MCAM: variants seen among roughly 807,000 people sequenced by gnomAD.
The protein encoded by MCAM is melanoma cell adhesion molecule.
A neutral mutation model predicts 79.1 loss-of-function variants in MCAM; 55 were observed. The observed-to-expected ratio is 0.70, with a 90% CI of 0.56 to 0.87. The LOEUF (loss-of-function observed/expected upper bound fraction) is 0.87. Ranked by LOEUF, MCAM falls within the 40% of genes least tolerant of loss-of-function variation. The pLI is 0.00. For missense variants in MCAM, 745 were observed against 839.8 expected, an observed-to-expected ratio of 0.89 and a Z score of 1.40; for synonymous variants, 330 against 339.8, an observed-to-expected ratio of 0.97 and a Z score of 0.32.
rs1950189602 is a variant in MCAM at position 119,309,199 on chromosome 11, C to G, written c.*687G>C. 2 of 152,484 alleles carry G rather than the reference C, an allele frequency of 1.3e-5. No individual in the cohort carries two copies. The highest frequency in any genetic ancestry group is 4.1e-4 in the South Asian group (2 of 4,842). 9.4% of individuals were successfully genotyped at this position (152,484 alleles called of 1,614,324 possible). On this transcript the variant is annotated 3_prime_UTR_variant, in exon 16 of 16. Coordinates refer to ENST00000264036, the MANE Select transcript of MCAM (RefSeq NM_006500.3). ...CCGTGTTAGCCAGGATGGTCTCGTC[C>G]TGACTTTGTGATCCGCCCGCCTCGG...
rs776490924 is a variant in MCAM at position 119,311,661 on chromosome 11, G to A, written c.1286-10C>T. 6.2e-7 allele frequency: 1 copy of A among 1,613,902 alleles called. No individual in the cohort carries two copies. The highest frequency in any genetic ancestry group is 2.2e-5 in the East Asian group (1 of 44,874). On this transcript the variant is annotated splice_polypyrimidine_tract_variant and intron_variant, in intron 10 of 15. Coordinates refer to ENST00000264036, the MANE Select transcript of MCAM (RefSeq NM_006500.3). This position sits in a 1 kb window ranked among gnomAD's most constrained non-coding sequence, Gnocchi z 4.4. ...GCCATCCAAGGGGGGCCTTGGGGAG[G>A]TAGGGAGAGGTGAGGTGGCAAGCCC...
Position 119,315,283 on chromosome 11 carries a change from C to T in MCAM, c.68-20G>A, listed in dbSNP as rs368799275. ...GCACACCTGGGGGAGGGAGGCGGGG[C>T]CCCCGCAGCTGTGTCAGCTCCGGCT... On this transcript the variant is annotated intron_variant, in intron 1 of 15. Transcript: ENST00000264036. This position sits in a 1 kb window ranked among gnomAD's most constrained non-coding sequence, Gnocchi z 4.4. 5.0e-6 allele frequency: 8 copies of T among 1,600,068 alleles called. No homozygotes were observed. The highest frequency in any genetic ancestry group is 2.2e-5 in the East Asian group (1 of 44,756).
rs1950233910 is a variant in MCAM, at chr11:119,311,548, G to A, written c.1389C>T (p.Ser463=). 3 of 1,614,028 alleles carry A rather than the reference G, an allele frequency of 1.9e-6. No individual in the cohort carries two copies. Among genetic ancestry groups the A allele is most frequent in the African/African-American group, 1.3e-5 (1 of 74,910 alleles). The part of the protein sequence containing the change: ...EASGHPRPTI[S]WNVNGTASEQ... ...CGCTCACCGTGCCGTTGACGTTCCA[G>A]GAGATGGTGGGCCGGGGGTGCCCTG... is the stretch of plus-strand genomic sequence containing the variant. The change falls in exon 11 of 16, where the codon TCC becomes TCT. Residue 463 remains serine (S), a synonymous_variant. Coordinates refer to ENST00000264036, the MANE Select transcript of MCAM (RefSeq NM_006500.3). This position sits in a 1 kb window ranked among gnomAD's most constrained non-coding sequence, Gnocchi z 4.4.
rs765044934 is a variant in MCAM at position 119,312,916 on chromosome 11, G to A, written c.593C>T (p.Ser198Leu). 12 of 1,614,094 alleles carry A rather than the reference G, an allele frequency of 7.4e-6. No homozygotes were observed. The highest frequency in any genetic ancestry group is 2.2e-5 in the East Asian group (1 of 44,880). The change falls in exon 6 of 16, where the codon TCG (serine) becomes TTG (leucine). Residue 198 changes from serine to leucine, a missense_variant. By Grantham distance (145) the Ser-to-Leu change is moderately radical. Coordinates refer to ENST00000264036, the MANE Select transcript of MCAM (RefSeq NM_006500.3). The surrounding 1 kb of genome is among the most constrained non-coding windows in gnomAD (Gnocchi z 4.9). The part of the protein sequence containing the change: ...VHIQSSQTVE[S>L]SGLYTLQSIL... ...ACTCTGCAAGGTGTACAAACCACTC[G>A]ACTCCACAGTCTGGGACGACTGAAT...
chr11:119,317,103 C>T lies in MCAM; in HGVS notation c.-2G>A, dbSNP rs755785471. 2.4e-4 allele frequency: 368 copies of T among 1,525,226 alleles called. No individual in the cohort carries two copies. The highest frequency in any genetic ancestry group is 3.0e-4 in the Non-Finnish European group (347 of 1,140,564). The allele number at this position is 1,525,226 out of a possible 1,614,324, so 94.5% of individuals were successfully genotyped here. On this transcript the variant is annotated 5_prime_UTR_variant, in exon 1 of 16. Transcript: ENST00000264036. This position sits in a 1 kb window ranked among gnomAD's most constrained non-coding sequence, Gnocchi z 6.2. Reference sequence around the variant, plus strand: ...GCAGACCAGCCTGGGAAGCCCCATGCTTCCCGGCCGGAGGGCGAGAGCCAA... The same window carrying T: ...GCAGACCAGCCTGGGAAGCCCCATGTTTCCCGGCCGGAGGGCGAGAGCCAA...
Position 119,309,591 on chromosome 11 carries a change from G to GA in MCAM, c.*294dup. The stretch of plus-strand genomic sequence containing the variant: ...TATTTACAGCCATAATGTGTGTAAA[G>GA]AAAAAACACGTTCTGCAAGAAACTC... On this transcript the variant is annotated 3_prime_UTR_variant, in exon 16 of 16. Coordinates refer to ENST00000264036, the MANE Select transcript of MCAM (RefSeq NM_006500.3). 2 of 492,368 alleles carry GA rather than the reference G, an allele frequency of 4.1e-6. No individual in the cohort carries two copies. Among genetic ancestry groups the GA allele is most frequent in the South Asian group, 2.7e-5 (1 of 37,136 alleles). 30.5% of individuals were successfully genotyped at this position (492,368 alleles called of 1,614,324 possible).
chr11:119,312,032 C>A lies in MCAM; in HGVS notation c.1143+20G>T, dbSNP rs375846034. The A allele has an allele frequency of 6.3e-7, 1 of 1,582,648 alleles. No individual in the cohort carries two copies. Among genetic ancestry groups the A allele is most frequent in the Admixed American group, 1.7e-5 (1 of 59,626 alleles). Reference sequence around the variant, plus strand: ...CCCCACCCACCCCATCAGCCCCTTGCCCCAGACCCGCCTGGGTACCTCTTC... The same window carrying A: ...CCCCACCCACCCCATCAGCCCCTTGACCCAGACCCGCCTGGGTACCTCTTC... On this transcript the variant is annotated intron_variant, in intron 9 of 15. Transcript: ENST00000264036. The surrounding 1 kb of genome is among the most constrained non-coding windows in gnomAD (Gnocchi z 4.9).
chr11:119,309,653 G>C lies in MCAM; in HGVS notation c.*233C>G. ...CGGGAGACTGGGGCTCCTTGCTTGG[G>C]ATGAGCTTCACTCAACGTGGAGGAG... On this transcript the variant is annotated 3_prime_UTR_variant, in exon 16 of 16. Coordinates refer to ENST00000264036, the MANE Select transcript of MCAM (RefSeq NM_006500.3). 1.9e-6 allele frequency: 1 copy of C among 526,582 alleles called. No homozygotes were observed. Among genetic ancestry groups the C allele is most frequent in the Non-Finnish European group, 3.3e-6 (1 of 305,322 alleles). The allele number at this position is 526,582 out of a possible 1,614,324, so 32.6% of individuals were successfully genotyped here. A position where few individuals can be genotyped will look rare whatever the true frequency, so the allele number is the denominator to read the frequency against.
chr11:119,314,356 A>G (rs1158408875), intron 5 of MCAM, 133 bp downstream of exon 5: 15 of 769,632 alleles, frequency 1.9e-5, no homozygotes, highest in Non-Finnish European at 2.6e-5. Context: ...GGGTCACCCT[A>G]TGTTGTCCAA....
chr11:119,314,883 T>C lies in MCAM; in HGVS notation c.350A>G (p.Gln117Arg), dbSNP rs1259790820. Residue 117 changes from glutamine (Q) to arginine (R), a missense_variant, in exon 3 of 16, where the codon CAG (glutamine) becomes CGG (arginine). By Grantham distance (43) the Gln-to-Arg change is conservative. Coordinates refer to ENST00000264036, the MANE Select transcript of MCAM (RefSeq NM_006500.3). ...TPQDERIFLC[Q>R]GKRPRSQEYR... ...CTCCTGGGACCGAGGGCGCTTGCCC[T>C]GGCACAAGAAGATGCGCTCGTCTTG... 11 of 1,613,528 alleles carry C rather than the reference T, an allele frequency of 6.8e-6. No homozygotes were observed. Among genetic ancestry groups the C allele is most frequent in the Non-Finnish European group, 9.3e-6 (11 of 1,180,032 alleles).
rs763192013 is a variant in MCAM at position 119,312,057 on chromosome 11, C to T, written c.1138G>A (p.Glu380Lys). 5 of 1,595,844 alleles carry T rather than the reference C, an allele frequency of 3.1e-6. No individual in the cohort carries two copies. In the South Asian group the frequency reaches 4.4e-5, roughly 14 times the overall value. ...CCCCAGACCCGCCTGGGTACCTCTT[C>T]TCTCAGCCACTGGAACTCGAGGTCC... ...SQDLEFQWLR[E>K]ETGQVLERGP... Residue 380 changes from glutamate (E) to lysine (K), a missense_variant, in exon 9 of 16, where the codon GAA becomes AAA. By Grantham distance (56) the Glu-to-Lys change is moderately conservative. Transcript: ENST00000264036. This position sits in a 1 kb window ranked among gnomAD's most constrained non-coding sequence, Gnocchi z 4.9.
intron 5 of MCAM, chr11:119,313,395 A>ATT: frequency 1.8e-6 from 2 of 1,089,144 alleles, no homozygotes; most frequent in Non-Finnish European, 2.3e-6. Flanking sequence ...CACTACTGAT[A>ATT]ATTTTTTTTT....
chr11:119,315,461 C>A lies in MCAM; in HGVS notation c.68-198G>T. 1.6e-6 allele frequency: 1 copy of A among 621,542 alleles called. No homozygotes were observed. The highest frequency in any genetic ancestry group is 1.9e-5 in the South Asian group (1 of 51,300). The allele number at this position is 621,542 out of a possible 1,614,324, so 38.5% of individuals were successfully genotyped here. A position where few individuals can be genotyped will look rare whatever the true frequency, so the allele number is the denominator to read the frequency against. On this transcript the variant is annotated intron_variant, in intron 1 of 15. Transcript: ENST00000264036. This position sits in a 1 kb window ranked among gnomAD's most constrained non-coding sequence, Gnocchi z 4.4. The stretch of plus-strand genomic sequence containing the variant: ...CTCCCCGTCCAGGAGATCCCAGGTC[C>A]TTGGAGCCAAGCAGAGATTGAGCAG...
chr11:119,310,349 C>A lies in MCAM; in HGVS notation c.1911G>T (p.Gln637His). Residue 637 changes from glutamine to histidine, a missense_variant and splice_region_variant, in exon 15 of 16, where the codon CAG becomes CAT. Physicochemically the swap from Gln to His is conservative, Grantham distance 24 (BLOSUM62 0). Transcript: ENST00000264036. ...SSGDKRAPGD[Q>H]GEKYIDLRH ...TCTGGCCACAGGAACCGCCTCCTAC[C>A]TGGTCTCCCGGAGCCCTCTTGTCAC... 1 of 1,606,654 alleles carries A rather than the reference C, an allele frequency of 6.2e-7. No individual in the cohort carries two copies. The highest frequency in any genetic ancestry group is 8.5e-7 in the Non-Finnish European group (1 of 1,173,448).
In MCAM at chr11:119,311,448, A is replaced by G. The variant is rs536492741; in HGVS notation, c.1408-27T>C. Reference sequence around the variant, plus strand: ...TGCGAGGAAAGGAAGGAGGCAGCTCAGGGGATGGGGAGGATCTCTGGTCCT... The same window carrying G: ...TGCGAGGAAAGGAAGGAGGCAGCTCGGGGGATGGGGAGGATCTCTGGTCCT... On this transcript the variant is annotated intron_variant, in intron 11 of 15. Transcript: ENST00000264036. This position sits in a 1 kb window ranked among gnomAD's most constrained non-coding sequence, Gnocchi z 4.4. 112 of 1,613,754 alleles carry G rather than the reference A, an allele frequency of 6.9e-5. 1 individual carries two copies. In the South Asian group the frequency reaches 1.2e-3, roughly 17 times the overall value.
chr11:119,310,638 G>T, intron 14 of MCAM, 118 bp downstream of exon 14: 1 of 1,207,352 alleles, frequency 8.3e-7, no homozygotes, highest in Non-Finnish European at 1.2e-6. Context: ...GGGTAGTGGA[G>T]CAGGCAGCAC....
rs1436054449 is a variant in MCAM at position 119,309,761 on chromosome 11, G to C, written c.*125C>G. 3 of 1,005,160 alleles carry C rather than the reference G, an allele frequency of 3.0e-6. No individual in the cohort carries two copies. Among genetic ancestry groups the C allele is most frequent in the Non-Finnish European group, 4.5e-6 (3 of 661,998 alleles). 62.3% of individuals were successfully genotyped at this position (1,005,160 alleles called of 1,614,324 possible). The stretch of plus-strand genomic sequence containing the variant: ...GTCCTAACCCAGTGGCCCTCTGAAA[G>C]GGGGTGTGCAGGCGAGGGGAGCAGG... On this transcript the variant is annotated 3_prime_UTR_variant, in exon 16 of 16. Transcript: ENST00000264036.
At chr11:119,313,285 A>G (rs1447162483) in intron 5 of MCAM, 7 of 1,348,280 alleles carry the variant, frequency 5.2e-6, no homozygotes, top group Non-Finnish European at 6.8e-6. Flanking sequence ...AGTAAGCAAA[A>G]CGATCAGTTG....
rs769594870 is a variant in MCAM at position 119,311,136 on chromosome 11, G to T, written c.1599C>A (p.Ser533Arg). Reference protein sequence around the residue: ...TPDSNTTTGLSTSTASPHTRA... With the variant: ...TPDSNTTTGLRTSTASPHTRA... ...TGGTATGAGGACTGGCAGTGGAAGT[G>T]CTGAGGCCAGTGGTTGTGTTGGAGT... The change falls in exon 13 of 16, where the codon AGC (serine) becomes AGA (arginine). Residue 533 changes from serine to arginine, a missense_variant. Transcript: ENST00000264036. This position sits in a 1 kb window ranked among gnomAD's most constrained non-coding sequence, Gnocchi z 4.4. The T allele has an allele frequency of 6.2e-7, 1 of 1,614,246 alleles. No homozygotes were observed. The highest frequency in any genetic ancestry group is 8.5e-7 in the Non-Finnish European group (1 of 1,180,036).
Sources: allele counts gnomAD v4.1 joint callset, GRCh38; gene constraint gnomAD v4.1.1; non-coding constraint Gnocchi (gnomAD v3.1); transcripts MANE v1.5; gene names NCBI Gene and HGNC (gene_info 2026-07-23, HGNC 2026-07-21).